The following CDH7 variants were observed in gnomAD, a reference collection of about 807,000 sequenced individuals.
The protein encoded by CDH7 is cadherin 7.
Under a neutral mutation model 71.8 loss-of-function variants are expected in CDH7, and 25 were observed. The ratio of observed to expected loss-of-function variants is 0.35; its 90% CI spans 0.25 to 0.49. The LOEUF is 0.49. Ranked by LOEUF, CDH7 falls within the 20% of genes least tolerant of loss-of-function variation. The pLI is 0.99. For missense variants in CDH7, 862 were observed against 974.6 expected (o/e 0.88, Z 1.54); for synonymous variants, 381 against 363.8 (o/e 1.05, Z -0.54).
At chr18:65,769,950 A>G (rs762263844) in intron 2 of CDH7, among the ~76,000 whole-genome samples, 2 of 152,152 alleles carry the variant, frequency 1.3e-5, no homozygotes, top group Non-Finnish European at 2.9e-5. Flanking sequence ...CACGGAATGA[A>G]CATTATCTGA....
Position 65,777,188 on chromosome 18 carries a change from A to G in CDH7, c.210+14136A>G, listed in dbSNP as rs557770126. Among the ~76,000 whole-genome samples, 113 of 151,766 alleles carry G rather than the reference A, an allele frequency of 7.4e-4. 1 individual carries two copies. The highest frequency in any genetic ancestry group is 1.3e-3 in the Non-Finnish European group (89 of 68,044). On this transcript the variant is annotated intron_variant, in intron 2 of 11. Coordinates refer to ENST00000397968, the MANE Select transcript of CDH7 (RefSeq NM_004361.5). Reference sequence around the variant, plus strand: ...AAATGAAAGACCTGATGCTGAAAGTAATTATCCACAGGGGCTTCCTGCAGT... The same window carrying G: ...AAATGAAAGACCTGATGCTGAAAGTGATTATCCACAGGGGCTTCCTGCAGT...
intron 2 of CDH7, among the ~76,000 whole-genome samples, chr18:65,781,771 C>CTTTCTATCTTTCT (rs1568181257): frequency 5.1e-5 from 2 of 39,082 alleles, no homozygotes; most frequent in African/African-American, 1.9e-4. Flanking sequence ...TCTTTCTTTC[C>CTTTCTATCTTTCT]TTCCTTCCTT....
In CDH7 at chr18:65,859,049, A is replaced by G. The variant is rs1314015514; in HGVS notation, c.1494+3A>G. ...GTGAAAATGCCCAGCCGGGGCAGGTAAGAGTCTTCAGAACACTTTGCTTCT... is the reference window on the plus strand; with the variant it reads ...GTGAAAATGCCCAGCCGGGGCAGGTGAGAGTCTTCAGAACACTTTGCTTCT... On this transcript the variant is annotated splice_donor_region_variant and intron_variant, in intron 9 of 11. Transcript: ENST00000397968. The G allele has an allele frequency of 6.8e-6, 11 of 1,613,012 alleles. No homozygotes were observed. The highest frequency in any genetic ancestry group is 1.7e-5 in the Admixed American group (1 of 59,908).
At chr18:65,755,939 A>G (rs1396460609) in intron 1 of CDH7, among the ~76,000 whole-genome samples, 1 of 152,178 alleles carries the variant, frequency 6.6e-6, no homozygotes. Context: ...GGAATTCCTA[A>G]AAAGAAACAG....
intron 3 of CDH7, among the ~76,000 whole-genome samples, chr18:65,811,451 A>G (rs767718844): frequency 2.6e-5 from 4 of 152,204 alleles, no homozygotes; most frequent in Non-Finnish European, 4.4e-5. Flanking sequence ...CCACAGTGGC[A>G]TGATCTTACT....
intron 11 of CDH7, among the ~76,000 whole-genome samples, chr18:65,873,198 A>T (rs970384597): frequency 1.3e-5 from 2 of 152,080 alleles, no homozygotes; most frequent in Admixed American, 6.5e-5. Context: ...TTTTATTTTG[A>T]TTAGATTATT....
chr18:65,855,727 G>A (rs1380422023), intron 7 of CDH7, among the ~76,000 whole-genome samples: 1 of 152,088 alleles, frequency 6.6e-6, no homozygotes, highest in Non-Finnish European at 1.5e-5. Flanking sequence ...AAGAGGGAAT[G>A]CATCCCAACT....
intron 7 of CDH7, among the ~76,000 whole-genome samples, chr18:65,855,621 G>T (rs974996320): frequency 1.2e-4 from 19 of 152,048 alleles, no homozygotes; most frequent in Non-Finnish European, 1.8e-4. Context: ...TCTGAAAATG[G>T]AAATATCCAA....
chr18:65,876,150 A>C (rs1161740950), intron 11 of CDH7, among the ~76,000 whole-genome samples: 1 of 152,188 alleles, frequency 6.6e-6, no homozygotes, highest in Non-Finnish European at 1.5e-5. Context: ...TACAGTCAAC[A>C]GTGTTGGAAC....
intron 7 of CDH7, among the ~76,000 whole-genome samples, chr18:65,850,539 C>A (rs1199441613): frequency 6.6e-6 from 1 of 151,556 alleles, no homozygotes; most frequent in Non-Finnish European, 1.5e-5. Context: ...TGCAACTCTT[C>A]TTGCAGCTGT....
rs1914367996 is a variant in CDH7, at chr18:65,886,056, T to C, written c.*5162T>C. ...TTACCTCTGGTCTGTGGTTATAAAA[T>C]CTAGGTCAGAAGCTCAGTTTCGCCA... On this transcript the variant is annotated 3_prime_UTR_variant, in exon 12 of 12. Coordinates refer to ENST00000397968, the MANE Select transcript of CDH7 (RefSeq NM_004361.5). The C allele has an allele frequency of 6.6e-6, 1 of 152,286 alleles. No individual in the cohort carries two copies. The highest frequency in any genetic ancestry group is 2.1e-4 in the South Asian group (1 of 4,822). The allele number at this position is 152,286 out of a possible 1,614,324, so 9.4% of individuals were successfully genotyped here. A position where few individuals can be genotyped will look rare whatever the true frequency, so the allele number is the denominator to read the frequency against.
chr18:65,774,369 AAAATGTT>A (rs1199617632), intron 2 of CDH7, among the ~76,000 whole-genome samples: 1 of 152,114 alleles, frequency 6.6e-6, no homozygotes, highest in Non-Finnish European at 1.5e-5. Flanking sequence ...TTTTTCTTAA[AAAATGTT>A]AAATGAGAAA....
At chr18:65,863,774 A>G (rs1040829030) in intron 11 of CDH7, 1 of 152,200 alleles carries the variant, frequency 6.6e-6, no homozygotes, top group Admixed American at 6.5e-5. Context: ...TACTCGGTTA[A>G]ATTAAATTTA....
intron 1 of CDH7, among the ~76,000 whole-genome samples, chr18:65,751,633 T>C (rs979041652): frequency 6.6e-6 from 1 of 152,192 alleles, no homozygotes; most frequent in African/African-American, 2.4e-5. Context: ...AACCATTCGC[T>C]CTGGACACCT....
At chr18:65,845,729 G>A (rs1432303447) in intron 7 of CDH7, among the ~76,000 whole-genome samples, 3 of 151,974 alleles carry the variant, frequency 2.0e-5, no homozygotes, top group East Asian at 1.9e-4. Flanking sequence ...GAGAGTGACC[G>A]AAAGACATTA....
At chr18:65,853,906 CAT>C (rs4047846) in intron 7 of CDH7, among the ~76,000 whole-genome samples, 134 of 34,054 alleles carry the variant, frequency 3.9e-3, no homozygotes, top group East Asian at 5.7e-3. Flanking sequence ...CATAAATTAC[CAT>C]ATATATATAT....
chr18:65,816,830 T>G (rs1911741059), intron 4 of CDH7, among the ~76,000 whole-genome samples: 1 of 152,174 alleles, frequency 6.6e-6, no homozygotes, highest in Admixed American at 6.5e-5. Context: ...CCCTTGAAAC[T>G]TCTCACCACC....
intron 2 of CDH7, among the ~76,000 whole-genome samples, chr18:65,778,449 A>C (rs1479759066): frequency 6.6e-6 from 1 of 150,570 alleles, no homozygotes; most frequent in Non-Finnish European, 1.5e-5. Context: ...CCATCCTTCA[A>C]TTCTCCTCTT....
At chr18:65,857,353 AATAAT>A (rs1599055727) in intron 7 of CDH7, among the ~76,000 whole-genome samples, 1 of 142,636 alleles carries the variant, frequency 7.0e-6, no homozygotes, top group Non-Finnish European at 1.5e-5. Context: ...TAATAATAAT[AATAAT>A]AATAAAATAG....
Sources: allele counts gnomAD v4.1 joint callset (sites outside exome capture counted in the v4.1 genomes callset), GRCh38; gene constraint gnomAD v4.1.1; transcripts MANE v1.5; gene names NCBI Gene and HGNC (gene_info 2026-07-23, HGNC 2026-07-21).